Variants in CFAP44 observed in about 807,000 individuals in gnomAD.
CFAP44 encodes the protein cilia and flagella associated protein 44.
A neutral mutation model predicts 216.2 loss-of-function variants in CFAP44; 134 were observed. That is an observed-to-expected ratio of 0.62 (90% CI 0.54 to 0.72). The LOEUF is 0.72. CFAP44 is among the 30% of genes least tolerant of loss of function. The pLI is 0.00. For missense variants in CFAP44, 2,035 were observed against 2,182.1 expected, an observed-to-expected ratio of 0.93 and a Z score of 1.34; for synonymous variants, 700 against 727.6, an observed-to-expected ratio of 0.96 and a Z score of 0.61.
chr3:113,324,368 G>A (rs969164922), intron 28 of CFAP44, among the ~76,000 whole-genome samples: 4 of 152,050 alleles, frequency 2.6e-5, no homozygotes, highest in Non-Finnish European at 4.4e-5. Context: ...ATTTCTTAAT[G>A]AAATATTAGC....
intron 3 of CFAP44, 41 bp from the exon 4 acceptor site, chr3:113,426,318 G>C (rs1934958848): frequency 6.3e-7 from 1 of 1,596,822 alleles, no homozygotes; most frequent in Admixed American, 1.7e-5. Context: ...ATATGGTTTG[G>C]CTGTGTCCCC....
chr3:113,354,075 G>A (rs1324035811), intron 22 of CFAP44, among the ~76,000 whole-genome samples: 20 of 145,878 alleles, frequency 1.4e-4, no homozygotes, highest in Non-Finnish European at 2.7e-4. Context: ...AAAGATTAAA[G>A]GCAAGCCTCA....
intron 1 of CFAP44, chr3:113,434,871 T>C (rs908169008): frequency 7.9e-5 from 12 of 152,236 alleles, no homozygotes; most frequent in African/African-American, 2.9e-4. Flanking sequence ...GAAGATAGAC[T>C]GGTATGCCTA....
At chr3:113,301,878 T>C (rs1489537011) in intron 32 of CFAP44, among the ~76,000 whole-genome samples, 1 of 152,196 alleles carries the variant, frequency 6.6e-6, no homozygotes, top group Non-Finnish European at 1.5e-5. Context: ...AATTGTTCTT[T>C]GGATCTCACT....
chr3:113,380,268 C>G (rs1234456548), intron 16 of CFAP44, among the ~76,000 whole-genome samples: 1 of 152,104 alleles, frequency 6.6e-6, no homozygotes, highest in Admixed American at 6.5e-5. Flanking sequence ...TTAAGGAGCT[C>G]CATGCATTGG....
At chr3:113,436,817 TA>T (rs1159907447) in intron 1 of CFAP44, among the ~76,000 whole-genome samples, 6 of 152,218 alleles carry the variant, frequency 3.9e-5, no homozygotes, top group Admixed American at 2.6e-4. Flanking sequence ...CTTTCTTCTG[TA>T]AGTAGGTACT....
At chr3:113,401,784 G>T in intron 9 of CFAP44, 45 bp from the exon 10 acceptor site, 2 of 1,518,070 alleles carry the variant, frequency 1.3e-6, no homozygotes, top group East Asian at 4.8e-5. Context: ...AGTAGTTTCT[G>T]AACATTTATT....
chr3:113,424,219 C>T (rs184204578), intron 4 of CFAP44, among the ~76,000 whole-genome samples: 22 of 152,068 alleles, frequency 1.4e-4, no homozygotes, highest in South Asian at 4.2e-4. Flanking sequence ...GGGCAGATCA[C>T]GAGGTCAGGA....
chr3:113,328,636 A>G (rs1458094708), intron 26 of CFAP44, among the ~76,000 whole-genome samples: 1 of 139,226 alleles, frequency 7.2e-6, no homozygotes, highest in Non-Finnish European at 1.5e-5. Context: ...ACTGGGGCTG[A>G]GGAGAGAAAG....
At chr3:113,384,307 CCTT>C (rs1227749386) in intron 15 of CFAP44, among the ~76,000 whole-genome samples, 1 of 152,128 alleles carries the variant, frequency 6.6e-6, no homozygotes, top group East Asian at 1.9e-4. Flanking sequence ...GATCCACCCA[CCTT>C]GACCTCCCAA....
At position 113,429,520 on chromosome 3, in the gene CFAP44, C is replaced by T. The variant is rs143156033; in HGVS notation, c.101-2181G>A. On this transcript the variant is annotated intron_variant, in intron 2 of 34. Coordinates refer to ENST00000393845, the MANE Select transcript of CFAP44 (RefSeq NM_001164496.2). ...CCTATTTGTATCATTATGCTTAACA[C>T]GTGTTTTCTATGAGCATCATATAGT... is the stretch of plus-strand genomic sequence containing the variant. Among the ~76,000 whole-genome samples the T allele has an allele frequency of 8.7e-3, 1,319 of 152,122 alleles. 17 individuals carry two copies. The highest frequency in any genetic ancestry group is 0.021 in the African/African-American group (892 of 41,514).
intron 28 of CFAP44, among the ~76,000 whole-genome samples, chr3:113,310,631 A>G (rs1474861983): frequency 6.6e-6 from 1 of 152,202 alleles, no homozygotes; most frequent in Non-Finnish European, 1.5e-5. Flanking sequence ...TATGGTTTGG[A>G]TCTGTGTTCC....
chr3:113,427,318 G>A lies in CFAP44; in HGVS notation c.122C>T (p.Thr41Ile). ...TTCATCTGTGTCATCTTCTAAAAAT[G>A]TGTTATCTTCTTGAACAGGAGCTAT... ...ESRSPVQEDNTFLEDDTDETF... is the reference protein window; with the variant it reads ...ESRSPVQEDNIFLEDDTDETF... The change falls in exon 3 of 35, where the codon ACA (threonine) becomes ATA (isoleucine). Residue 41 changes from threonine to isoleucine, a missense_variant. Physicochemically the swap from Thr to Ile is moderately conservative, Grantham distance 89. Around this residue, in one of 3 missense-constraint regions of CFAP44, gnomAD observed 149 missense variants for 141.8 expected, o/e 1.05. Coordinates refer to ENST00000393845, the MANE Select transcript of CFAP44 (RefSeq NM_001164496.2). The A allele has an allele frequency of 6.2e-7, 1 of 1,609,014 alleles. No individual in the cohort carries two copies. The highest frequency in any genetic ancestry group is 8.5e-7 in the Non-Finnish European group (1 of 1,178,158).
At chr3:113,429,674 A>C (rs1935053051) in intron 2 of CFAP44, among the ~76,000 whole-genome samples, 1 of 152,076 alleles carries the variant, frequency 6.6e-6, no homozygotes, top group Non-Finnish European at 1.5e-5. Flanking sequence ...ATTAACAAAT[A>C]ATATTTGATA....
intron 9 of CFAP44, among the ~76,000 whole-genome samples, chr3:113,403,563 T>C (rs1934197250): frequency 6.6e-6 from 1 of 152,272 alleles, no homozygotes; most frequent in Non-Finnish European, 1.5e-5. Flanking sequence ...GTGGGTCTAC[T>C]GTTCATCTTG....
chr3:113,395,290 A>C (rs1452838556), intron 15 of CFAP44, among the ~76,000 whole-genome samples: 3 of 152,250 alleles, frequency 2.0e-5, no homozygotes, highest in African/African-American at 7.2e-5. Flanking sequence ...CTAAGAAAGA[A>C]GAAATAAAAG....
intron 15 of CFAP44, among the ~76,000 whole-genome samples, chr3:113,389,526 A>T (rs1286067622): frequency 6.6e-6 from 1 of 152,142 alleles, no homozygotes; most frequent in Non-Finnish European, 1.5e-5. Context: ...AGATCAGAAC[A>T]AAATTAAATG....
intron 24 of CFAP44, 26 bp from the exon 25 acceptor site, chr3:113,333,609 C>CA: frequency 6.7e-7 from 1 of 1,482,928 alleles, no homozygotes; most frequent in Non-Finnish European, 8.9e-7. Context: ...ACAACCCCCC[C>CA]ACACACAAAT....
At chr3:113,376,751 C>T (rs2107331730) in intron 17 of CFAP44, among the ~76,000 whole-genome samples, 2 of 152,254 alleles carry the variant, frequency 1.3e-5, no homozygotes, top group Middle Eastern at 3.4e-3. Flanking sequence ...ACAGATGATT[C>T]TTTCAATAAC....
Sources: allele counts gnomAD v4.1 joint callset (sites outside exome capture counted in the v4.1 genomes callset), GRCh38; gene constraint gnomAD v4.1.1; regional missense constraint gnomAD v4.1.1; transcripts MANE v1.5; gene names NCBI Gene and HGNC (gene_info 2026-07-23, HGNC 2026-07-21).